Variants in SEZ6 observed in about 807,000 individuals in gnomAD.
SEZ6 encodes the protein seizure protein 6 homolog.
A neutral mutation model predicts 101.0 loss-of-function variants in SEZ6; 53 were observed. That is an observed-to-expected ratio of 0.52 (90% CI 0.42 to 0.66). SEZ6 has a LOEUF of 0.66. Among genes scored for constraint, SEZ6 ranks in the 30% least tolerant of loss-of-function variants. The probability of loss-of-function intolerance (pLI) is 0.00; values close to 1 mark genes in which losing one functional copy is unlikely to be tolerated. For synonymous variants in SEZ6, 488 were observed against 512.2 expected (o/e 0.95, Z 0.64); for missense variants, 1,102 against 1,289.4 (o/e 0.85, Z 2.23).
At chr17:28,966,535 G>A (rs1459270582) in intron 4 of SEZ6, among the ~76,000 whole-genome samples, 1 of 152,162 alleles carries the variant, frequency 6.6e-6, no homozygotes, top group Non-Finnish European at 1.5e-5. Flanking sequence ...CAAAGGCCTG[G>A]AGGGGTCAAG....
chr17:28,971,353 G>A (rs1009221526), intron 3 of SEZ6, among the ~76,000 whole-genome samples: 1 of 152,190 alleles, frequency 6.6e-6, no homozygotes, highest in Admixed American at 6.5e-5. Flanking sequence ...AGCACTTTGG[G>A]AGGCCAAGGC....
In SEZ6 at chr17:29,005,613, G is replaced by A. The variant is rs1273662555; in HGVS notation, c.55+202C>T. 6.6e-6 allele frequency among the ~76,000 whole-genome samples: 1 copy of A among 151,558 alleles called. No homozygotes were observed. Among genetic ancestry groups the A allele is most frequent in the Non-Finnish European group, 1.5e-5 (1 of 67,864 alleles). On this transcript the variant is annotated intron_variant, in intron 1 of 16. Coordinates refer to ENST00000317338, the MANE Select transcript of SEZ6 (RefSeq NM_178860.5). This position sits in a 1 kb window ranked among gnomAD's most constrained non-coding sequence, Gnocchi z 4.8. ...TAAAGACGAGGTCTCGGCCGGGCGC[G>A]AATGGCGGGAGCCGCGGCAGCTTCC...
intron 1 of SEZ6, among the ~76,000 whole-genome samples, chr17:28,983,471 C>T (rs1015129974): frequency 2.6e-5 from 4 of 152,264 alleles, no homozygotes; most frequent in African/African-American, 9.6e-5. Flanking sequence ...TTCAGGCAGC[C>T]ACTACCAATC....
intron 5 of SEZ6, among the ~76,000 whole-genome samples, chr17:28,961,606 A>G (rs1419946647): frequency 2.6e-5 from 4 of 152,192 alleles, no homozygotes; most frequent in East Asian, 1.9e-4. Context: ...TCCTGGGCTG[A>G]CTGACCTTTC....
Position 28,959,518 on chromosome 17 carries a change from G to A in SEZ6, c.1772-46C>T. The A allele has an allele frequency of 6.3e-7, 1 of 1,598,466 alleles. No individual in the cohort carries two copies. Among genetic ancestry groups the A allele is most frequent in the Non-Finnish European group, 8.5e-7 (1 of 1,173,740 alleles). Reference sequence around the variant, plus strand: ...AGAAGGGTCTTTTCAAGCTTACCATGGTGTTGCTTACCATCTGCCCGCAGG... The same window carrying A: ...AGAAGGGTCTTTTCAAGCTTACCATAGTGTTGCTTACCATCTGCCCGCAGG... On this transcript the variant is annotated intron_variant, in intron 8 of 16. Transcript: ENST00000317338. This position sits in a 1 kb window ranked among gnomAD's most constrained non-coding sequence, Gnocchi z 4.4.
rs769602358 is a variant in SEZ6, at chr17:28,957,451, A to G, written c.2391T>C (p.Tyr797=). The G allele has an allele frequency of 8.7e-6, 14 of 1,613,620 alleles. No homozygotes were observed. In the East Asian group the frequency reaches 2.5e-4, roughly 28 times the overall value. ...PKFPVGATVQ[Y]ICDQGFVLMG... Reference sequence around the variant, plus strand: ...TCAGCACAAAACCCTGGTCACAGATATATTGCACGGTGGCCCCCACGGGAA... The same window carrying G: ...TCAGCACAAAACCCTGGTCACAGATGTATTGCACGGTGGCCCCCACGGGAA... Residue 797 remains tyrosine, a synonymous_variant, in exon 12 of 17, where the codon TAT becomes TAC. Coordinates refer to ENST00000317338, the MANE Select transcript of SEZ6 (RefSeq NM_178860.5).
Position 29,005,456 on chromosome 17 carries a change from C to T in SEZ6, c.55+359G>A, listed in dbSNP as rs2041675082. ...CGTCCCGACTCACTGCCTTGCGCCCCCCGGCACGCGCCCCAGCACCCTGAG... is the reference window on the plus strand; with the variant it reads ...CGTCCCGACTCACTGCCTTGCGCCCTCCGGCACGCGCCCCAGCACCCTGAG... On this transcript the variant is annotated intron_variant, in intron 1 of 16. Transcript: ENST00000317338. This position sits in a 1 kb window ranked among gnomAD's most constrained non-coding sequence, Gnocchi z 4.8. 6.6e-6 allele frequency among the ~76,000 whole-genome samples: 1 copy of T among 152,142 alleles called. No homozygotes were observed. Among genetic ancestry groups the T allele is most frequent in the African/African-American group, 2.4e-5 (1 of 41,454 alleles).
At chr17:28,982,685 G>A (rs1420003378) in intron 1 of SEZ6, among the ~76,000 whole-genome samples, 1 of 151,944 alleles carries the variant, frequency 6.6e-6, no homozygotes, top group Non-Finnish European at 1.5e-5. Context: ...ACAGTGTCTC[G>A]CTGTGTGGCC....
intron 1 of SEZ6, 121 bp from the exon 2 acceptor site, chr17:28,982,160 T>C: frequency 7.0e-7 from 1 of 1,421,736 alleles, no homozygotes; most frequent in Non-Finnish European, 9.2e-7. Flanking sequence ...GCGTGCTCAC[T>C]GCTGAGAATC....
In SEZ6 at chr17:28,955,397, G is replaced by C. The variant is rs1029675315; in HGVS notation, c.*565C>G. 28 of 312,136 alleles carry C rather than the reference G, an allele frequency of 9.0e-5. No homozygotes were observed. Among genetic ancestry groups the C allele is most frequent in the Admixed American group, 2.5e-4 (6 of 24,404 alleles). 19.3% of individuals were successfully genotyped at this position (312,136 alleles called of 1,614,324 possible). A position where few individuals can be genotyped will look rare whatever the true frequency, so the allele number is the denominator to read the frequency against. ...ATCTCCTAGAATTACTGCCTCCACT[G>C]GGACAGGGCAGGAGGCAGAACTGTC... On this transcript the variant is annotated 3_prime_UTR_variant, in exon 17 of 17. Coordinates refer to ENST00000317338, the MANE Select transcript of SEZ6 (RefSeq NM_178860.5).
At position 28,989,091 on chromosome 17, in the gene SEZ6, G is replaced by T. The variant is rs140892618; in HGVS notation, c.56-7052C>A. ...GAGGGAGCATGGGTGGAGGTAGTGG[G>T]CACCAGCTAGGAGTCAGGCCATGCT... On this transcript the variant is annotated intron_variant, in intron 1 of 16. Transcript: ENST00000317338. 8.9e-4 allele frequency among the ~76,000 whole-genome samples: 135 copies of T among 152,292 alleles called. 2 individuals carry two copies. The East Asian group carries it at 0.025, about 28-fold the overall frequency.
At chr17:28,981,264 G>A (rs1283345569) in intron 2 of SEZ6, 107 bp downstream of exon 2, 5 of 1,446,720 alleles carry the variant, frequency 3.5e-6, no homozygotes. Context: ...CTGGCCCTTG[G>A]TGCCAAAGGG....
At position 28,957,258 on chromosome 17, in the gene SEZ6, A is replaced by T; in HGVS notation, c.2495-16T>A. 1 of 1,613,882 alleles carries T rather than the reference A, an allele frequency of 6.2e-7. No homozygotes were observed. Among genetic ancestry groups the T allele is most frequent in the Non-Finnish European group, 8.5e-7 (1 of 1,179,796 alleles). ...AGCTGTTCCACTACAAAGCAGGCAG[A>T]GTGCAGTGAGGGTGTCATGCCCTTG... On this transcript the variant is annotated splice_polypyrimidine_tract_variant and intron_variant, in intron 12 of 16. Coordinates refer to ENST00000317338, the MANE Select transcript of SEZ6 (RefSeq NM_178860.5).
chr17:28,982,698 G>A (rs979813595), intron 1 of SEZ6, among the ~76,000 whole-genome samples: 2 of 151,866 alleles, frequency 1.3e-5, no homozygotes, highest in African/African-American at 4.8e-5. Flanking sequence ...GTGTGGCCCG[G>A]GCTGCAATGC....
At chr17:28,958,708 T>TGAGCCCAGGAGGTGGAG (rs1423370435) in intron 10 of SEZ6, among the ~76,000 whole-genome samples, 2 of 151,890 alleles carry the variant, frequency 1.3e-5, no homozygotes, top group African/African-American at 2.4e-5. Flanking sequence ...GAGAATCGCT[T>TGAGCCCAGGAGGTGGAG]GAGCCCAGGA....
chr17:29,002,509 C>T (rs559247549), intron 1 of SEZ6, among the ~76,000 whole-genome samples: 1 of 152,340 alleles, frequency 6.6e-6, no homozygotes, highest in African/African-American at 2.4e-5. Flanking sequence ...CCAACTCAGG[C>T]TTCTCCTGTC....
At chr17:29,004,484 T>C (rs2041657874) in intron 1 of SEZ6, among the ~76,000 whole-genome samples, 1 of 151,952 alleles carries the variant, frequency 6.6e-6, no homozygotes, top group Admixed American at 6.6e-5. Flanking sequence ...GGTAGCGGGG[T>C]GAGGACACTG....
chr17:29,000,040 T>C (rs1372751352), intron 1 of SEZ6, among the ~76,000 whole-genome samples: 6 of 152,220 alleles, frequency 3.9e-5, no homozygotes, highest in African/African-American at 1.4e-4. Flanking sequence ...ACTTGATTAA[T>C]AAAAGGCAGA....
At chr17:28,966,746 T>TC (rs903421389) in intron 4 of SEZ6, among the ~76,000 whole-genome samples, 17 of 148,898 alleles carry the variant, frequency 1.1e-4, no homozygotes, top group South Asian at 4.2e-4. Context: ...CCCTCTTTCT[T>TC]CCCCCCCATT....
Sources: allele counts gnomAD v4.1 joint callset (sites outside exome capture counted in the v4.1 genomes callset), GRCh38; gene constraint gnomAD v4.1.1; non-coding constraint Gnocchi (gnomAD v3.1); transcripts MANE v1.5; gene names NCBI Gene and HGNC (gene_info 2026-07-23, HGNC 2026-07-21).